RPS6KA2: variants seen among roughly 807,000 people sequenced by gnomAD.
RPS6KA2 encodes the protein ribosomal protein S6 kinase alpha-2.
In RPS6KA2, 42 loss-of-function variants were observed where a neutral mutation model predicts 91.8. The observed-to-expected ratio is 0.46, with a 90% CI of 0.36 to 0.59. The LOEUF (loss-of-function observed/expected upper bound fraction) is 0.59. Ranked by LOEUF, RPS6KA2 falls within the 20% of genes least tolerant of loss-of-function variation. RPS6KA2 has a pLI of 0.00. For missense variants in RPS6KA2, 798 were observed against 978.5 expected, an observed-to-expected ratio of 0.82 and a Z score of 2.46; for synonymous variants, 414 against 393.6, an observed-to-expected ratio of 1.05 and a Z score of -0.61.
At chr6:166,660,256 C>G (rs547008434) in intron 2 of RPS6KA2, among the ~76,000 whole-genome samples, 1 of 152,040 alleles carries the variant, frequency 6.6e-6, no homozygotes, top group African/African-American at 2.4e-5. Flanking sequence ...TGCTATTGTT[C>G]TGGTCCATTT....
chr6:166,535,199 C>T (rs867628261), intron 2 of RPS6KA2, among the ~76,000 whole-genome samples: 13 of 152,272 alleles, frequency 8.5e-5, no homozygotes, highest in South Asian at 6.2e-4. Context: ...CTGTGAGAAC[C>T]GCGACCTGGC....
chr6:166,651,882 T>C (rs1302575540), intron 2 of RPS6KA2, among the ~76,000 whole-genome samples: 1 of 152,258 alleles, frequency 6.6e-6, no homozygotes, highest in East Asian at 1.9e-4. Flanking sequence ...TGAGTTCAGG[T>C]GCACACGCAC....
At chr6:166,413,564 CAGCTGCCACCACGTCAGCAGA>C (rs1439954093) in intron 20 of RPS6KA2, among the ~76,000 whole-genome samples, 1 of 152,192 alleles carries the variant, frequency 6.6e-6, no homozygotes, top group South Asian at 2.1e-4. Flanking sequence ...ACAGCCACAC[CAGCTGCCACCACGTCAGCAGA>C]GGCTGCCACC....
At position 166,852,403 on chromosome 6, in the gene RPS6KA2, A is replaced by G. The variant is rs1055400350; in HGVS notation, c.123+5797T>C. On this transcript the variant is annotated intron_variant, in intron 2 of 21. Transcript: ENST00000503859. This position sits in a 1 kb window ranked among gnomAD's most constrained non-coding sequence, Gnocchi z 4.1. The stretch of plus-strand genomic sequence containing the variant: ...TCATTATTCACCTTGTCTCACTTCT[A>G]TTCAGACCAGTTTAGATTGTTTTTC... 6.6e-6 allele frequency among the ~76,000 whole-genome samples: 1 copy of G among 152,120 alleles called. No individual in the cohort carries two copies. The highest frequency in any genetic ancestry group is 2.4e-5 in the African/African-American group (1 of 41,408).
chr6:166,522,370 G>T (rs1050370544), intron 3 of RPS6KA2, among the ~76,000 whole-genome samples: 3 of 152,222 alleles, frequency 2.0e-5, no homozygotes, highest in African/African-American at 7.2e-5. Flanking sequence ...AGTGCCAATA[G>T]CTCTGCTGCC....
chr6:166,762,035 ACAGGAGTGAGAAG>A, intron 2 of RPS6KA2, among the ~76,000 whole-genome samples: 1 of 152,332 alleles, frequency 6.6e-6, no homozygotes, highest in Non-Finnish European at 1.5e-5. Flanking sequence ...AGCCTTGCAG[ACAGGAGTGAGAAG>A]CAGGCTCTAT....
intron 14 of RPS6KA2, among the ~76,000 whole-genome samples, chr6:166,442,417 G>A (rs973150952): frequency 2.0e-5 from 3 of 152,282 alleles, no homozygotes; most frequent in Admixed American, 6.5e-5. Flanking sequence ...GCGACTTCTC[G>A]CATATGTGTT....
intron 1 of RPS6KA2, among the ~76,000 whole-genome samples, chr6:166,583,940 G>C (rs770480015): frequency 1.3e-5 from 2 of 152,198 alleles, no homozygotes; most frequent in African/African-American, 2.4e-5. Context: ...TTACCCCATA[G>C]TGATAGTGAC....
At chr6:166,441,869 C>T (rs769934673) in intron 14 of RPS6KA2, among the ~76,000 whole-genome samples, 26 of 152,200 alleles carry the variant, frequency 1.7e-4, no homozygotes, top group Non-Finnish European at 2.8e-4. Flanking sequence ...GAGCAGCTGC[C>T]GGGGGCCGGG....
chr6:166,486,224 C>G lies in RPS6KA2; in HGVS notation c.907+2609G>C, dbSNP rs184611460. Among the ~76,000 whole-genome samples, 3 of 152,142 alleles carry G rather than the reference C, an allele frequency of 2.0e-5. No individual in the cohort carries two copies. The East Asian group carries it at 5.8e-4, about 29-fold the overall frequency. ...CAAAAATTGTTTGGTCAGTAGGTTC[C>G]TCTAAGCCATGAACCCCACACACAG... On this transcript the variant is annotated intron_variant, in intron 10 of 20. Transcript: ENST00000265678.
Position 166,533,747 on chromosome 6 carries a change from G to A in RPS6KA2, c.217-2434C>T, listed in dbSNP as rs750359044. On this transcript the variant is annotated intron_variant, in intron 2 of 20. Coordinates refer to ENST00000265678, the MANE Select transcript of RPS6KA2 (RefSeq NM_021135.6). The surrounding 1 kb of genome is among the most constrained non-coding windows in gnomAD (Gnocchi z 4.0). ...ATGAATCTATCCATTCCATTGCGGC[G>A]AAGCTGACATGTTAGCTCCCAAAAT... is the stretch of plus-strand genomic sequence containing the variant. Among the ~76,000 whole-genome samples the A allele has an allele frequency of 8.5e-5, 13 of 152,150 alleles. No individual in the cohort carries two copies. Among genetic ancestry groups the A allele is most frequent in the Admixed American group, 1.3e-4 (2 of 15,276 alleles).
intron 2 of RPS6KA2, among the ~76,000 whole-genome samples, chr6:166,668,600 C>T (rs1463607313): frequency 6.6e-6 from 1 of 152,052 alleles, no homozygotes; most frequent in African/African-American, 2.4e-5. Flanking sequence ...CTCCTTAGAC[C>T]GAGGGAAGAG....
At chr6:166,595,517 T>C (rs920888211) in intron 1 of RPS6KA2, among the ~76,000 whole-genome samples, 1 of 152,234 alleles carries the variant, frequency 6.6e-6, no homozygotes, top group Non-Finnish European at 1.5e-5. Context: ...TCCCCAGATA[T>C]GCTTGTGATT....
chr6:166,421,680 T>C (rs1422459884), intron 17 of RPS6KA2, among the ~76,000 whole-genome samples: 4 of 152,220 alleles, frequency 2.6e-5, no homozygotes, highest in Non-Finnish European at 5.9e-5. Flanking sequence ...TCTGTGAGGA[T>C]GACTCCTTCT....
intron 2 of RPS6KA2, among the ~76,000 whole-genome samples, chr6:166,713,768 G>A (rs1789934867): frequency 6.6e-6 from 1 of 152,208 alleles, no homozygotes; most frequent in Non-Finnish European, 1.5e-5. Flanking sequence ...AGCAGAGGAG[G>A]AAAGTGCTGC....
chr6:166,440,040 T>C (rs1188625044), intron 14 of RPS6KA2: 1 of 152,220 alleles, frequency 6.6e-6, no homozygotes, highest in Non-Finnish European at 1.5e-5. Context: ...GGAACCAGCC[T>C]TGGGGACACT....
At chr6:166,522,948 C>CT (rs1177238322) in intron 3 of RPS6KA2, among the ~76,000 whole-genome samples, 1 of 152,208 alleles carries the variant, frequency 6.6e-6, no homozygotes, top group East Asian at 1.9e-4. Context: ...TTTTAAAAGA[C>CT]TGATATGGTT....
chr6:166,465,309 C>T (rs1341059447), intron 11 of RPS6KA2: 1 of 152,216 alleles, frequency 6.6e-6, no homozygotes, highest in Non-Finnish European at 1.5e-5. Flanking sequence ...AGTAAAATTA[C>T]CCCTTAAATA....
intron 3 of RPS6KA2, among the ~76,000 whole-genome samples, chr6:166,519,005 G>C (rs1782755569): frequency 6.6e-6 from 1 of 152,226 alleles, no homozygotes; most frequent in African/African-American, 2.4e-5. Context: ...TGGAATGAGA[G>C]AGCTGCAACC....
Sources: gnomAD v4.1 joint callset for allele counts (sites outside exome capture counted in the v4.1 genomes callset) on GRCh38, gnomAD v4.1.1 for gene constraint, Gnocchi (gnomAD v3.1) non-coding constraint, MANE v1.5 for transcripts, NCBI Gene and HGNC (gene_info 2026-07-23, HGNC 2026-07-21) for gene names.